DENND2B: variants seen among roughly 807,000 people sequenced by gnomAD.
DENND2B encodes the protein DENN domain-containing protein 2B.
Under a neutral mutation model 116.0 loss-of-function variants are expected in DENND2B, and 32 were observed. That is an observed-to-expected ratio of 0.28 (90% CI 0.21 to 0.37). The LOEUF (loss-of-function observed/expected upper bound fraction) is 0.37. DENND2B is among the 10% of genes least tolerant of loss of function. The pLI, the probability that DENND2B is intolerant of heterozygous loss-of-function variation, is 1.00. For synonymous variants in DENND2B, 588 were observed against 583.9 expected (o/e 1.01, Z -0.10); for missense variants, 1,276 against 1,477.7 (o/e 0.86, Z 2.24).
chr11:8,837,605 G>A (rs181341928), intron 4 of DENND2B, among the ~76,000 whole-genome samples: 16 of 152,034 alleles, frequency 1.1e-4, no homozygotes, highest in East Asian at 3.9e-4. Flanking sequence ...CTCAGCCTCC[G>A]AAAGTGCTGG....
chr11:8,739,102 G>T (rs1320786883), intron 2 of DENND2B, among the ~76,000 whole-genome samples: 2 of 152,198 alleles, frequency 1.3e-5, no homozygotes, highest in African/African-American at 4.8e-5. Context: ...TATTATTTGT[G>T]TTGAATGACT....
intron 17 of DENND2B, 111 bp from the exon 18 acceptor site, chr11:8,696,777 T>A: frequency 6.7e-7 from 1 of 1,482,212 alleles, no homozygotes. Context: ...CCAGTACCAC[T>A]CTTCTGTTCT....
intron 2 of DENND2B, among the ~76,000 whole-genome samples, chr11:8,859,005 C>A (rs1364121955): frequency 6.6e-6 from 1 of 152,198 alleles, no homozygotes; most frequent in Non-Finnish European, 1.5e-5. Context: ...AAAGTGAAGA[C>A]AGAGACAAGA....
At chr11:8,737,416 G>A (rs1410546220) in intron 2 of DENND2B, among the ~76,000 whole-genome samples, 1 of 152,090 alleles carries the variant, frequency 6.6e-6, no homozygotes. Context: ...AGTCAAACCT[G>A]CCAACAACTA....
intron 4 of DENND2B, among the ~76,000 whole-genome samples, chr11:8,829,779 G>C (rs1244127577): frequency 6.6e-6 from 1 of 152,050 alleles, no homozygotes; most frequent in East Asian, 1.9e-4. Flanking sequence ...GGGAACAGTC[G>C]CTTCCCCTTT....
chr11:8,827,770 T>C (rs958349945), intron 4 of DENND2B, among the ~76,000 whole-genome samples: 1 of 152,244 alleles, frequency 6.6e-6, no homozygotes, highest in African/African-American at 2.4e-5. Flanking sequence ...GTGAACCCTG[T>C]ACCTCTGTTT....
intron 2 of DENND2B, among the ~76,000 whole-genome samples, chr11:8,869,217 T>C (rs1374233175): frequency 1.3e-5 from 2 of 152,200 alleles, no homozygotes; most frequent in Admixed American, 1.3e-4. Context: ...AATCTAAGCG[T>C]TCAGTAAAAA....
chr11:8,768,092 C>T (rs986431082), intron 1 of DENND2B, among the ~76,000 whole-genome samples: 2 of 151,928 alleles, frequency 1.3e-5, no homozygotes, highest in Admixed American at 6.6e-5. Flanking sequence ...ACTGCCAGAC[C>T]GGACGAGAGC....
intron 3 of DENND2B, among the ~76,000 whole-genome samples, chr11:8,851,724 A>G (rs908379697): frequency 1.6e-4 from 24 of 151,974 alleles, no homozygotes; most frequent in African/African-American, 4.1e-4. Flanking sequence ...TTAAATACAT[A>G]GGGGGGGACA....
At chr11:8,879,617 T>C (rs2063880792) in intron 2 of DENND2B, among the ~76,000 whole-genome samples, 1 of 152,186 alleles carries the variant, frequency 6.6e-6, no homozygotes, top group Non-Finnish European at 1.5e-5. Context: ...AAGAGAACTG[T>C]AGTCATCTTC....
At chr11:8,842,109 G>A (rs891475326) in intron 3 of DENND2B, among the ~76,000 whole-genome samples, 11 of 152,152 alleles carry the variant, frequency 7.2e-5, no homozygotes, top group Admixed American at 1.3e-4. Context: ...GAGACAATCC[G>A]TTCACGAAAG....
chr11:8,701,586 G>A (rs1203664514), intron 14 of DENND2B, among the ~76,000 whole-genome samples: 3 of 151,758 alleles, frequency 2.0e-5, no homozygotes, highest in Admixed American at 6.6e-5. Context: ...ACCACTCCAC[G>A]TGTGTCGGTG....
intron 1 of DENND2B, among the ~76,000 whole-genome samples, chr11:8,789,322 C>T (rs981088247): frequency 9.9e-5 from 15 of 152,178 alleles, no homozygotes; most frequent in African/African-American, 3.6e-4. Flanking sequence ...TTTGGTTATG[C>T]TTGGTATTTT....
intron 4 of DENND2B, among the ~76,000 whole-genome samples, chr11:8,722,695 G>A (rs920578689): frequency 6.6e-6 from 1 of 152,120 alleles, no homozygotes; most frequent in Non-Finnish European, 1.5e-5. Flanking sequence ...TTCAGATTGG[G>A]CTGCTATGGG....
chr11:8,898,445 A>G (rs2064128393), intron 1 of DENND2B, among the ~76,000 whole-genome samples: 1 of 152,226 alleles, frequency 6.6e-6, no homozygotes, highest in Non-Finnish European at 1.5e-5. Context: ...CAGTAGCTAC[A>G]CACTACAGGA....
intron 2 of DENND2B, among the ~76,000 whole-genome samples, chr11:8,735,164 T>C (rs534345682): frequency 6.6e-6 from 1 of 152,296 alleles, no homozygotes; most frequent in South Asian, 2.1e-4. Context: ...TTGAAATTGT[T>C]CAAATTCTAA....
intron 4 of DENND2B, among the ~76,000 whole-genome samples, chr11:8,722,602 A>G (rs977157629): frequency 6.6e-6 from 1 of 152,212 alleles, no homozygotes; most frequent in African/African-American, 2.4e-5. Context: ...CCAGGGAAGG[A>G]AAAGGAAACC....
At chr11:8,749,269 T>A (rs78220813) in intron 2 of DENND2B, among the ~76,000 whole-genome samples, 8 of 152,208 alleles carry the variant, frequency 5.3e-5, no homozygotes, top group African/African-American at 1.4e-4. Flanking sequence ...TTTCTCCACC[T>A]GCTTTGCCCA....
intron 1 of DENND2B, chr11:8,766,552 G>C: frequency 8.5e-7 from 1 of 1,176,184 alleles, no homozygotes; most frequent in Non-Finnish European, 1.1e-6. Context: ...GGGAGCAATG[G>C]GAACCAAGGA....
Sources: allele counts gnomAD v4.1 joint callset (sites outside exome capture counted in the v4.1 genomes callset), GRCh38; gene constraint gnomAD v4.1.1; transcripts MANE v1.5; gene names NCBI Gene and HGNC (gene_info 2026-07-23, HGNC 2026-07-21).